The following ZBTB39 variants were observed in gnomAD, a reference collection of about 807,000 sequenced individuals.
ZBTB39 encodes zinc finger and BTB domain containing 39.
A neutral mutation model predicts 39.4 loss-of-function variants in ZBTB39; 25 were observed. The observed-to-expected ratio is 0.63, with a 90% CI of 0.46 to 0.89. ZBTB39 has a LOEUF of 0.89. ZBTB39 is among the 40% of genes least tolerant of loss of function. ZBTB39 has a pLI of 0.00. For synonymous variants in ZBTB39, 373 were observed against 359.6 expected (o/e 1.04, Z -0.42); for missense variants, 891 against 909.7 (o/e 0.98, Z 0.26).
chr12:57,005,925 G>A (rs1473125988), intron 1 of ZBTB39, among the ~76,000 whole-genome samples: 2 of 152,162 alleles, frequency 1.3e-5, no homozygotes, highest in Non-Finnish European at 1.5e-5. Flanking sequence ...AACTTTTTCT[G>A]GGGCCCAGGA....
At position 56,999,265 on chromosome 12, in the gene ZBTB39, C is replaced by A. The variant is rs576169867; in HGVS notation, c.*3514G>T. 1 of 152,088 alleles carries A rather than the reference C, an allele frequency of 6.6e-6. No individual in the cohort carries two copies. Among genetic ancestry groups the A allele is most frequent in the African/African-American group, 2.4e-5 (1 of 41,374 alleles). The allele number at this position is 152,088 out of a possible 1,614,324, so 9.4% of individuals were successfully genotyped here. ...GAAAAGAGTCCCAGATGGGTGCAGA[C>A]CACCCCATAGAGCCCACTCCCATAC... On this transcript the variant is annotated 3_prime_UTR_variant, in exon 2 of 2. Coordinates refer to ENST00000300101, the MANE Select transcript of ZBTB39 (RefSeq NM_014830.3).
chr12:57,000,663 C>T lies in ZBTB39; in HGVS notation c.*2116G>A, dbSNP rs569892254. 1 of 152,384 alleles carries T rather than the reference C, an allele frequency of 6.6e-6. No homozygotes were observed. Among genetic ancestry groups the T allele is most frequent in the South Asian group, 2.1e-4 (1 of 4,824 alleles). 9.4% of individuals were successfully genotyped at this position (152,384 alleles called of 1,614,324 possible). ...GTGAGTAAGAAAGGGAGAAGCCAGT[C>T]AGCAATGAAGAGTCTCAACACTGCT... On this transcript the variant is annotated 3_prime_UTR_variant, in exon 2 of 2. Transcript: ENST00000300101.
At chr12:57,005,279 C>A (rs1956238439) in intron 1 of ZBTB39, among the ~76,000 whole-genome samples, 1 of 152,214 alleles carries the variant, frequency 6.6e-6, no homozygotes, top group South Asian at 2.1e-4. Flanking sequence ...TCAAATTTTT[C>A]TCCTATTAAT....
chr12:57,003,750 G>A lies in ZBTB39; in HGVS notation c.1168C>T (p.His390Tyr). The A allele has an allele frequency of 6.2e-7, 1 of 1,614,222 alleles. No individual in the cohort carries two copies. The highest frequency in any genetic ancestry group is 8.5e-7 in the Non-Finnish European group (1 of 1,180,038). The change falls in exon 2 of 2, where the codon CAT becomes TAT. Residue 390 changes from histidine to tyrosine, a missense_variant. By Grantham distance (83) the His-to-Tyr change is moderately conservative. Transcript: ENST00000300101. This position sits in a 1 kb window ranked among gnomAD's most constrained non-coding sequence, Gnocchi z 4.8. ...AAAATACCAATGTGGGACAGGACATGAGTTACCCGGGAGTTTCGGTCCTGG... is the reference window on the plus strand; with the variant it reads ...AAAATACCAATGTGGGACAGGACATAAGTTACCCGGGAGTTTCGGTCCTGG... Reference protein sequence around the residue: ...HFQDRNSRVTHVLSHIGIFLF... With the variant: ...HFQDRNSRVTYVLSHIGIFLF...
Position 57,004,373 on chromosome 12 carries a change from T to C in ZBTB39, c.545A>G (p.Tyr182Cys), listed in dbSNP as rs748816123. The part of the protein sequence containing the change: ...YVLPSDAGGS[Y>C]KEEEKNVASD... ...GGCAACATTCTTCTCTTCCTCTTTA[T>C]AGCTCCCTCCAGCATCACTGGGCAA... The change falls in exon 2 of 2, where the codon TAT becomes TGT. Residue 182 changes from tyrosine (Y) to cysteine (C), a missense_variant. Tyr to Cys is a radical substitution (Grantham distance 194). Transcript: ENST00000300101. The C allele has an allele frequency of 3.8e-5, 61 of 1,614,058 alleles. No individual in the cohort carries two copies. The South Asian group carries it at 6.3e-4, about 17-fold the overall frequency.
chr12:57,002,654 A>T lies in ZBTB39; in HGVS notation c.*125T>A. ...TTTCTTCTTCTTTTCTTCTTTAAAC[A>T]CAACACAGAACAGAATTCCTACCAA... On this transcript the variant is annotated 3_prime_UTR_variant, in exon 2 of 2. Transcript: ENST00000300101. 1 of 892,828 alleles carries T rather than the reference A, an allele frequency of 1.1e-6. No individual in the cohort carries two copies. Among genetic ancestry groups the T allele is most frequent in the South Asian group, 1.7e-5 (1 of 58,598 alleles). The allele number at this position is 892,828 out of a possible 1,614,324, so 55.3% of individuals were successfully genotyped here.
In ZBTB39 at chr12:57,003,545, T is replaced by TTCCC. The variant is rs1472459227; in HGVS notation, c.1369_1372dup (p.Lys458ArgfsTer17). On this transcript the variant is annotated frameshift_variant, in exon 2 of 2. Coordinates refer to ENST00000300101, the MANE Select transcript of ZBTB39 (RefSeq NM_014830.3). LOFTEE classifies it high-confidence loss of function. The surrounding 1 kb of genome is among the most constrained non-coding windows in gnomAD (Gnocchi z 4.8). ...CACATGGAAATCTTTGGCCAATACTTTCCCACAGGCAGCGCATTTCAGCTC... is the reference window on the plus strand; with the variant it reads ...CACATGGAAATCTTTGGCCAATACTTTCCCTCCCACAGGCAGCGCATTTCAGCTC... 6.2e-7 allele frequency: 1 copy of TTCCC among 1,614,134 alleles called. No homozygotes were observed. Among genetic ancestry groups the TTCCC allele is most frequent in the Admixed American group, 1.7e-5 (1 of 60,024 alleles).
At position 57,003,116 on chromosome 12, in the gene ZBTB39, C is replaced by T; in HGVS notation, c.1802G>A (p.Gly601Glu). The change falls in exon 2 of 2, where the codon GGG becomes GAG. Residue 601 changes from glycine to glutamate, a missense_variant. Gly to Glu is a moderately conservative substitution (Grantham distance 98). Transcript: ENST00000300101. This position sits in a 1 kb window ranked among gnomAD's most constrained non-coding sequence, Gnocchi z 4.8. ...GACCTTGCAGCTATACTTGCTGTTC[C>T]CAGGTTGGCCCTGCAGCGCCAGCTC... ...GEELALQGQP[G>E]NSKYSCKVCG... 6.2e-7 allele frequency: 1 copy of T among 1,614,166 alleles called. No individual in the cohort carries two copies. The highest frequency in any genetic ancestry group is 8.5e-7 in the Non-Finnish European group (1 of 1,180,042).
At position 57,002,990 on chromosome 12, in the gene ZBTB39, C is replaced by T. The variant is rs768697265; in HGVS notation, c.1928G>A (p.Arg643Gln). The T allele has an allele frequency of 2.5e-6, 4 of 1,614,216 alleles. No individual in the cohort carries two copies. The highest frequency in any genetic ancestry group is 2.5e-6 in the Non-Finnish European group (3 of 1,180,036). ...YQCKVCHKFF[R>Q]GRSTIKCHLK... ...GTGGCACTTGATGGTCGAGCGGCCT[C>T]GAAAGAACTTGTGGCACACCTTACA... Residue 643 changes from arginine (R) to glutamine (Q), a missense_variant, in exon 2 of 2, where the codon CGA (arginine) becomes CAA (glutamine). Physicochemically the swap from Arg to Gln is conservative, Grantham distance 43 (BLOSUM62 1). Transcript: ENST00000300101.
chr12:57,005,606 G>A (rs1286919654), intron 1 of ZBTB39, among the ~76,000 whole-genome samples: 1 of 152,176 alleles, frequency 6.6e-6, no homozygotes. Context: ...AAAACACTCA[G>A]AATGCACAGT....
Position 57,001,714 on chromosome 12 carries a change from GGACA to G in ZBTB39, c.*1061_*1064del, listed in dbSNP as rs3044224. 15,235 of 152,932 alleles carry G rather than the reference GGACA, an allele frequency of 0.1. 806 individuals are homozygous for G. Among genetic ancestry groups the G allele is most frequent in the East Asian group, 0.18 (959 of 5,184 alleles). The allele number at this position is 152,932 out of a possible 1,614,324, so 9.5% of individuals were successfully genotyped here. ...ACAAAGTAAACAGGTTACCCGACTAGGACAGACAGTCAGAACGCACACCCTGCTA... is the reference window on the plus strand; with the variant it reads ...ACAAAGTAAACAGGTTACCCGACTAGGACAGTCAGAACGCACACCCTGCTA... On this transcript the variant is annotated 3_prime_UTR_variant, in exon 2 of 2. Coordinates refer to ENST00000300101, the MANE Select transcript of ZBTB39 (RefSeq NM_014830.3).
Position 57,003,292 on chromosome 12 carries a change from CA to C in ZBTB39, c.1625del (p.Leu542CysfsTer111). 6.2e-7 allele frequency: 1 copy of C among 1,614,174 alleles called. No homozygotes were observed. The highest frequency in any genetic ancestry group is 8.5e-7 in the Non-Finnish European group (1 of 1,179,998). On this transcript the variant is annotated frameshift_variant, in exon 2 of 2. Transcript: ENST00000300101. LOFTEE classifies it high-confidence loss of function. The surrounding 1 kb of genome is among the most constrained non-coding windows in gnomAD (Gnocchi z 4.8). ...SLEDALFHCR[L>X]CSQSFKSEAA... ...CCTCTGACTTGAAGCTCTGGCTGCA[CA>C]AGCGGCAGTGGAAGAGGGCGTCTTC...
chr12:57,004,770 A>G lies in ZBTB39; in HGVS notation c.148T>C (p.Cys50Arg). The G allele has an allele frequency of 6.2e-7, 1 of 1,614,192 alleles. No individual in the cohort carries two copies. Among genetic ancestry groups the G allele is most frequent in the Non-Finnish European group, 8.5e-7 (1 of 1,180,024 alleles). ...SFPAHKAVLACAAGYFQNLFL... is the reference protein window; with the variant it reads ...SFPAHKAVLARAAGYFQNLFL... ...AGGTTCTGGAAGTAGCCAGCTGCAC[A>G]GGCCAGCACAGCCTTGTGGGCCGGG... Residue 50 changes from cysteine (C) to arginine (R), a missense_variant, in exon 2 of 2, where the codon TGT becomes CGT. Physicochemically the swap from Cys to Arg is radical, Grantham distance 180. Coordinates refer to ENST00000300101, the MANE Select transcript of ZBTB39 (RefSeq NM_014830.3).
rs374243625 is a variant in ZBTB39 at position 57,004,269 on chromosome 12, G to A, written c.649C>T (p.Pro217Ser). Residue 217 changes from proline (P) to serine (S), a missense_variant, in exon 2 of 2, where the codon CCC (proline) becomes TCC (serine). Physicochemically the swap from Pro to Ser is moderately conservative, Grantham distance 74. Coordinates refer to ENST00000300101, the MANE Select transcript of ZBTB39 (RefSeq NM_014830.3). ...PKTEDHDTPA[P>S]FTSIPSMMTQ... ...ATCATGCTAGGAATGGACGTGAAGG[G>A]AGCAGGGGTGTCATGGTCTTCTGTC... 2.0e-4 allele frequency: 315 copies of A among 1,614,112 alleles called. No individual in the cohort carries two copies. Among genetic ancestry groups the A allele is most frequent in the Non-Finnish European group, 2.6e-4 (303 of 1,180,048 alleles).
rs750052890 is a variant in ZBTB39, at chr12:57,003,183, G to A, written c.1735C>T (p.Leu579Phe). ...RPGFGLQHPA[L>F]QKRKLPAEEF... is the part of the protein sequence containing the mutation. ...TCTGCTGGCAGCTTCCGCTTCTGGA[G>A]AGCTGGGTGCTGCAGCCCAAAACCA... The change falls in exon 2 of 2, where the codon CTC becomes TTC. Residue 579 changes from leucine (L) to phenylalanine (F), a missense_variant. Physicochemically the swap from Leu to Phe is conservative, Grantham distance 22. Transcript: ENST00000300101. This position sits in a 1 kb window ranked among gnomAD's most constrained non-coding sequence, Gnocchi z 4.8. The A allele has an allele frequency of 3.1e-6, 5 of 1,614,100 alleles. 1 individual carries two copies. In the South Asian group the frequency reaches 5.5e-5, roughly 18 times the overall value.
rs745941163 is a variant in ZBTB39 at position 57,004,940 on chromosome 12, C to A, written c.-23G>T. On this transcript the variant is annotated 5_prime_UTR_variant, in exon 2 of 2. Coordinates refer to ENST00000300101, the MANE Select transcript of ZBTB39 (RefSeq NM_014830.3). ...CATCTTAGCAGCTCCTATGAAATTA[C>A]CTCCTTATCAGCACAGTTAATCTGT... 2 of 1,560,888 alleles carry A rather than the reference C, an allele frequency of 1.3e-6. No individual in the cohort carries two copies. Among genetic ancestry groups the A allele is most frequent in the Non-Finnish European group, 1.7e-6 (2 of 1,149,880 alleles).
rs1286272538 is a variant in ZBTB39, at chr12:57,003,506, A to G, written c.1412T>C (p.Ile471Thr). The G allele has an allele frequency of 1.9e-6, 3 of 1,613,972 alleles. No homozygotes were observed. Among genetic ancestry groups the G allele is most frequent in the Non-Finnish European group, 2.5e-6 (3 of 1,179,836 alleles). The stretch of plus-strand genomic sequence containing the variant: ...GCCCTTCAAGTTTAGATGGTCAAGG[A>G]TGTGGCCCCGGACCACATGGAAATC... ...AKDFHVVRGH[I>T]LDHLNLKGQA... The change falls in exon 2 of 2, where the codon ATC becomes ACC. Residue 471 changes from isoleucine to threonine, a missense_variant. By Grantham distance (89) the Ile-to-Thr change is moderately conservative. Coordinates refer to ENST00000300101, the MANE Select transcript of ZBTB39 (RefSeq NM_014830.3). This position sits in a 1 kb window ranked among gnomAD's most constrained non-coding sequence, Gnocchi z 4.8.
rs756351932 is a variant in ZBTB39 at position 57,002,769 on chromosome 12, C to A, written c.*10G>T. The A allele has an allele frequency of 6.2e-7, 1 of 1,607,338 alleles. No individual in the cohort carries two copies. Among genetic ancestry groups the A allele is most frequent in the East Asian group, 2.2e-5 (1 of 44,750 alleles). On this transcript the variant is annotated 3_prime_UTR_variant, in exon 2 of 2. Coordinates refer to ENST00000300101, the MANE Select transcript of ZBTB39 (RefSeq NM_014830.3). ...GCTTGGGAGCTCCCCGTGGCTCTGC[C>A]GGGACCCAGTCAACTGTCCGGGTTC... is the stretch of plus-strand genomic sequence containing the variant.
At position 57,002,702 on chromosome 12, in the gene ZBTB39, G is replaced by C; in HGVS notation, c.*77C>G. The C allele has an allele frequency of 7.2e-7, 1 of 1,389,768 alleles. No homozygotes were observed. Among genetic ancestry groups the C allele is most frequent in the South Asian group, 1.3e-5 (1 of 75,836 alleles). 86.1% of individuals were successfully genotyped at this position (1,389,768 alleles called of 1,614,324 possible). On this transcript the variant is annotated 3_prime_UTR_variant, in exon 2 of 2. Transcript: ENST00000300101. ...CAAGGCAAAATTATAACTTCAGCTG[G>C]GGAGGGACCAACACCTCTTAGATAT...
Sources: gnomAD v4.1 joint callset for allele counts (sites outside exome capture counted in the v4.1 genomes callset) on GRCh38, gnomAD v4.1.1 for gene constraint, Gnocchi (gnomAD v3.1) non-coding constraint, MANE v1.5 for transcripts, NCBI Gene and HGNC (gene_info 2026-07-23, HGNC 2026-07-21) for gene names.